Variants in XAB2 observed in about 807,000 individuals in gnomAD.
XAB2 encodes pre-mRNA-splicing factor SYF1.
A neutral mutation model predicts 113.4 loss-of-function variants in XAB2; 57 were observed. The observed-to-expected ratio is 0.50, with a 90% confidence interval of 0.41 to 0.63. The LOEUF (loss-of-function observed/expected upper bound fraction) is 0.63. Ranked by LOEUF, XAB2 falls within the 20% of genes least tolerant of loss-of-function variation. XAB2 has a pLI of 0.00. For missense variants in XAB2, 1,037 were observed against 1,233.3 expected (o/e 0.84, Z 2.38); for synonymous variants, 497 against 498.8 (o/e 1.00, Z 0.05).
At chr19:7,621,546 A>G in intron 12 of XAB2, 1 of 509,730 alleles carries the variant, frequency 2.0e-6, no homozygotes, top group Non-Finnish European at 3.5e-6. Context: ...AGGAGGTGAC[A>G]TGATGGGTGA....
In XAB2 at chr19:7,622,165, C is replaced by G. The variant is rs1231885919; in HGVS notation, c.1617+166G>C. On this transcript the variant is annotated intron_variant, in intron 12 of 18. Transcript: ENST00000358368. ...GAACCAGCCCTGCCCATGCCTCGAT[C>G]CTGGACTTCCAGCCTCCAGGACGGG... 5.9e-6 allele frequency: 4 copies of G among 673,992 alleles called. No individual in the cohort carries two copies. The Admixed American group carries it at 1.1e-4, about 18-fold the overall frequency. The allele number at this position is 673,992 out of a possible 1,614,324, so 41.8% of individuals were successfully genotyped here. A position where few individuals can be genotyped will look rare whatever the true frequency, so the allele number is the denominator to read the frequency against.
rs997890990 is a variant in XAB2 at position 7,624,851 on chromosome 19, G to A, written c.823-406C>T. ...GAATTTGCTCCAAAGCGTCCCTCTC[G>A]CTTGCCTGACCCTCTTCCCCAGCCC... On this transcript the variant is annotated intron_variant, in intron 6 of 18. Transcript: ENST00000358368. This position sits in a 1 kb window ranked among gnomAD's most constrained non-coding sequence, Gnocchi z 4.2. Among the ~76,000 whole-genome samples the A allele has an allele frequency of 9.9e-5, 15 of 152,114 alleles. No individual in the cohort carries two copies. Among genetic ancestry groups the A allele is most frequent in the Admixed American group, 4.6e-4 (7 of 15,274 alleles).
In XAB2 at chr19:7,629,533, T is replaced by C; in HGVS notation, c.-6A>G. 6.2e-7 allele frequency: 1 copy of C among 1,603,884 alleles called. No homozygotes were observed. The highest frequency in any genetic ancestry group is 8.5e-7 in the Non-Finnish European group (1 of 1,175,462). ...AGTCGCGCCATCACCACCATTTTTCTGGATGCCCAGGTACAGGAGAGAGTC... is the reference window on the plus strand; with the variant it reads ...AGTCGCGCCATCACCACCATTTTTCCGGATGCCCAGGTACAGGAGAGAGTC... On this transcript the variant is annotated 5_prime_UTR_variant, in exon 1 of 19. Transcript: ENST00000358368.
In XAB2 at chr19:7,620,860, G is replaced by T. The variant is rs748841899; in HGVS notation, c.1957C>A (p.Gln653Lys). 3 of 1,586,918 alleles carry T rather than the reference G, an allele frequency of 1.9e-6. No individual in the cohort carries two copies. Among genetic ancestry groups the T allele is most frequent in the South Asian group, 1.2e-5 (1 of 86,522 alleles). ...YGVTHTRGIYQKAIEVLSDEH... is the reference protein window; with the variant it reads ...YGVTHTRGIYKKAIEVLSDEH... ...ACGGTGGGTACCTCAATGGCCTTCTGGTAGATGCCGCGGGTGTGGGTGACC... is the reference window on the plus strand; with the variant it reads ...ACGGTGGGTACCTCAATGGCCTTCTTGTAGATGCCGCGGGTGTGGGTGACC... Residue 653 changes from glutamine to lysine, a missense_variant, in exon 14 of 19, where the codon CAG (glutamine) becomes AAG (lysine). By Grantham distance (53) the Gln-to-Lys change is moderately conservative. Transcript: ENST00000358368.
rs138103670 is a variant in XAB2 at position 7,626,859 on chromosome 19, C to T, written c.522+384G>A. Among the ~76,000 whole-genome samples the T allele has an allele frequency of 1.1e-4, 17 of 152,318 alleles. No individual in the cohort carries two copies. In the East Asian group the frequency reaches 2.7e-3, roughly 24 times the overall value. ...GTTTGAGCAAACCATGCCCCACTCC[C>T]GCCCGGCTGGTGCTTCCACTCTCCA... On this transcript the variant is annotated intron_variant, in intron 4 of 18. Coordinates refer to ENST00000358368, the MANE Select transcript of XAB2 (RefSeq NM_020196.3).
rs778508844 is a variant in XAB2, at chr19:7,619,993, C to T, written c.2349G>A (p.Ala783=). The change falls in exon 17 of 19, where the codon GCG becomes GCA. Residue 783 remains alanine, a synonymous_variant. Transcript: ENST00000358368. ...GGGCGCGCAAGGGCTGGTCACGCTC[C>T]GCCTCAGCCGCCAGCTGCTCTGCCC... ...EQRAEQLAAE[A]ERDQPLRAQS... 1.7e-5 allele frequency: 27 copies of T among 1,612,160 alleles called. No homozygotes were observed. The Middle Eastern group carries it at 1.5e-3, about 88-fold the overall frequency.
In XAB2 at chr19:7,624,372, T is replaced by G; in HGVS notation, c.896A>C (p.Tyr299Ser). The G allele has an allele frequency of 6.2e-7, 1 of 1,614,162 alleles. No individual in the cohort carries two copies. Among genetic ancestry groups the G allele is most frequent in the South Asian group, 1.1e-5 (1 of 91,086 alleles). ...VRDFTQVFDS[Y>S]AQFEESMIAA... ...GATCATGCTCTCCTCGAACTGGGCGTAGCTGTCAAACACCTGTGTGAAGTC... is the reference window on the plus strand; with the variant it reads ...GATCATGCTCTCCTCGAACTGGGCGGAGCTGTCAAACACCTGTGTGAAGTC... Residue 299 changes from tyrosine (Y) to serine (S), a missense_variant, in exon 7 of 19, where the codon TAC (tyrosine) becomes TCC (serine). By Grantham distance (144) the Tyr-to-Ser change is moderately radical. Transcript: ENST00000358368. This position sits in a 1 kb window ranked among gnomAD's most constrained non-coding sequence, Gnocchi z 4.2.
Position 7,627,719 on chromosome 19 carries a change from G to A in XAB2, c.324+9C>T, listed in dbSNP as rs551618114. The stretch of plus-strand genomic sequence containing the variant: ...ACTTCCCGATTCATCCCCTCGCCGA[G>A]CCCCAAACCTTGTGCATGAACACAA... On this transcript the variant is annotated intron_variant, in intron 3 of 18. Coordinates refer to ENST00000358368, the MANE Select transcript of XAB2 (RefSeq NM_020196.3). The surrounding 1 kb of genome is among the most constrained non-coding windows in gnomAD (Gnocchi z 4.5). 9.9e-6 allele frequency: 16 copies of A among 1,613,476 alleles called. No individual in the cohort carries two copies. In the East Asian group the frequency reaches 1.3e-4, roughly 13 times the overall value.
chr19:7,619,619 T>C lies in XAB2; in HGVS notation c.2535A>G (p.Pro845=). The C allele has an allele frequency of 6.2e-7, 1 of 1,603,274 alleles. No individual in the cohort carries two copies. Among genetic ancestry groups the C allele is most frequent in the Admixed American group, 1.7e-5 (1 of 59,370 alleles). ...CCTTCAGGCTCCCAAACACTGCGGC[T>C]GGCACGCTCTGCTGCTCCAGCCGAA... The part of the protein sequence containing the change: ...NEVRLEQQSV[P]AAVFGSLKED Residue 845 remains proline, a synonymous_variant, in exon 19 of 19, where the codon CCA becomes CCG. Transcript: ENST00000358368.
Position 7,626,242 on chromosome 19 carries a change from A to G in XAB2, c.551T>C (p.Ile184Thr), listed in dbSNP as rs757918046. 38 of 1,613,022 alleles carry G rather than the reference A, an allele frequency of 2.4e-5. No homozygotes were observed. The Admixed American group carries it at 3.3e-4, about 14-fold the overall frequency. The change falls in exon 5 of 19, where the codon ATT becomes ACT. Residue 184 changes from isoleucine (I) to threonine (T), a missense_variant. Ile to Thr is a moderately conservative substitution (Grantham distance 89, BLOSUM62 -1). Transcript: ENST00000358368. ...KLSPESAEEY[I>T]EYLKSSDRLD... Reference sequence around the variant, plus strand: ...CCGGTCACTTGACTTGAGGTACTCAATGTACTCCTCTGCACTCTCAGGACT... The same window carrying G: ...CCGGTCACTTGACTTGAGGTACTCAGTGTACTCCTCTGCACTCTCAGGACT...
At position 7,626,002 on chromosome 19, in the gene XAB2, T is replaced by C; in HGVS notation, c.700A>G (p.Lys234Glu). Residue 234 changes from lysine to glutamate, a missense_variant, in exon 6 of 19, where the codon AAG (lysine) becomes GAG (glutamate). Lys to Glu is a moderately conservative substitution (Grantham distance 56). Transcript: ENST00000358368. ...GCGTCCACATTGAGGGACTGTACCT[T>C]GTCCGGATTCTGGGAGATGAGGTCG... ...LCDLISQNPD[K>E]VQSLNVDAII... is the part of the protein sequence containing the mutation. 1 of 1,612,712 alleles carries C rather than the reference T, an allele frequency of 6.2e-7. No individual in the cohort carries two copies. The highest frequency in any genetic ancestry group is 1.3e-5 in the African/African-American group (1 of 75,036).
At position 7,625,113 on chromosome 19, in the gene XAB2, T is replaced by C. The variant is rs2031111650; in HGVS notation, c.823-668A>G. Among the ~76,000 whole-genome samples the C allele has an allele frequency of 6.6e-6, 1 of 152,184 alleles. No individual in the cohort carries two copies. Among genetic ancestry groups the C allele is most frequent in the South Asian group, 2.1e-4 (1 of 4,830 alleles). On this transcript the variant is annotated intron_variant, in intron 6 of 18. Coordinates refer to ENST00000358368, the MANE Select transcript of XAB2 (RefSeq NM_020196.3). The surrounding 1 kb of genome is among the most constrained non-coding windows in gnomAD (Gnocchi z 5.2). The stretch of plus-strand genomic sequence containing the variant: ...TCCCTGGGTTCCTGAGCCTCCCCGC[T>C]CTCGGCTCTGGCCCCCTCTGCACCC...
chr19:7,624,184 T>G lies in XAB2; in HGVS notation c.967+117A>C. ...CACCCCCTGCATCCACTCAGCCTCC[T>G]TCCCTGCTGGCCCCCAGCTGAGCCT... is the stretch of plus-strand genomic sequence containing the variant. On this transcript the variant is annotated intron_variant, in intron 7 of 18. Transcript: ENST00000358368. The surrounding 1 kb of genome is among the most constrained non-coding windows in gnomAD (Gnocchi z 4.2). The G allele has an allele frequency of 6.6e-7, 1 of 1,517,988 alleles. No individual in the cohort carries two copies. Among genetic ancestry groups the G allele is most frequent in the Non-Finnish European group, 8.9e-7 (1 of 1,119,678 alleles). 94.0% of individuals were successfully genotyped at this position (1,517,988 alleles called of 1,614,324 possible). A position where few individuals can be genotyped will look rare whatever the true frequency, so the allele number is the denominator to read the frequency against.
intron 16 of XAB2, 34 bp downstream of exon 16, chr19:7,620,241 T>C: frequency 6.2e-7 from 1 of 1,611,216 alleles, no homozygotes; most frequent in Non-Finnish European, 8.5e-7. Context: ...TGAGATGCCC[T>C]GGATCAGGAA....
chr19:7,622,013 A>C (rs1446836284), intron 12 of XAB2: 1 of 278,742 alleles, frequency 3.6e-6, no homozygotes, highest in African/African-American at 2.2e-5. Flanking sequence ...GGGGCCACCT[A>C]ATCCATTATG....
At chr19:7,629,245 C>G (rs1326597782) in intron 1 of XAB2, among the ~76,000 whole-genome samples, 1 of 152,240 alleles carries the variant, frequency 6.6e-6, no homozygotes, top group African/African-American at 2.4e-5. Flanking sequence ...GGAGGCTAGA[C>G]GCTTCCCTTC....
Position 7,625,357 on chromosome 19 carries a change from C to G in XAB2, c.822+523G>C, listed in dbSNP as rs1209921740. On this transcript the variant is annotated intron_variant, in intron 6 of 18. Coordinates refer to ENST00000358368, the MANE Select transcript of XAB2 (RefSeq NM_020196.3). The surrounding 1 kb of genome is among the most constrained non-coding windows in gnomAD (Gnocchi z 5.2). ...AAGGCCGCAGAGCCAGAGGGTGAAC[C>G]CTGAACGCAAATGTGGCTGACTCCA... 6.6e-6 allele frequency among the ~76,000 whole-genome samples: 1 copy of G among 152,192 alleles called. No homozygotes were observed. Among genetic ancestry groups the G allele is most frequent in the Admixed American group, 6.5e-5 (1 of 15,276 alleles).
chr19:7,624,477 G>A lies in XAB2; in HGVS notation c.823-32C>T. The A allele has an allele frequency of 6.2e-7, 1 of 1,613,364 alleles. No homozygotes were observed. Among genetic ancestry groups the A allele is most frequent in the Non-Finnish European group, 8.5e-7 (1 of 1,179,918 alleles). ...GGACCCAGGGAAGGGGAGGTGAGAG[G>A]AAAGTGGCGCAGGGGACAGGCAGCA... On this transcript the variant is annotated intron_variant, in intron 6 of 18. Transcript: ENST00000358368. This position sits in a 1 kb window ranked among gnomAD's most constrained non-coding sequence, Gnocchi z 4.2.
rs1452219063 is a variant in XAB2, at chr19:7,627,866, G to C, written c.201-15C>G. 1.9e-6 allele frequency: 3 copies of C among 1,609,986 alleles called. No individual in the cohort carries two copies. The highest frequency in any genetic ancestry group is 2.7e-5 in the African/African-American group (2 of 74,990). On this transcript the variant is annotated splice_polypyrimidine_tract_variant and intron_variant, in intron 2 of 18. Coordinates refer to ENST00000358368, the MANE Select transcript of XAB2 (RefSeq NM_020196.3). This position sits in a 1 kb window ranked among gnomAD's most constrained non-coding sequence, Gnocchi z 4.5. ...AGAGTTTGTAGCTGGGGAATAGGAGGGGACAGATGCTGATCGGTCAGCTTT... is the reference window on the plus strand; with the variant it reads ...AGAGTTTGTAGCTGGGGAATAGGAGCGGACAGATGCTGATCGGTCAGCTTT...
Sources: allele counts gnomAD v4.1 joint callset (sites outside exome capture counted in the v4.1 genomes callset), GRCh38; gene constraint gnomAD v4.1.1; non-coding constraint Gnocchi (gnomAD v3.1); transcripts MANE v1.5; gene names NCBI Gene and HGNC (gene_info 2026-07-23, HGNC 2026-07-21).